FLNB: variants seen among roughly 807,000 people sequenced by gnomAD.
FLNB encodes filamin-B.
Under a neutral mutation model 250.6 loss-of-function variants are expected in FLNB, and 111 were observed. The ratio of observed to expected loss-of-function variants is 0.44; its 90% CI spans 0.38 to 0.52. The LOEUF is 0.52. Among genes scored for constraint, FLNB ranks in the 20% least tolerant of loss-of-function variants. The pLI is 0.00. For missense variants in FLNB, 2,869 were observed against 3,447.8 expected, an observed-to-expected ratio of 0.83 and a Z score of 4.20; for synonymous variants, 1,302 against 1,372.1, an observed-to-expected ratio of 0.95 and a Z score of 1.13.
intron 1 of FLNB, among the ~76,000 whole-genome samples, chr3:58,030,616 G>A (rs894743076): frequency 6.6e-6 from 1 of 152,198 alleles, no homozygotes; most frequent in Non-Finnish European, 1.5e-5. Flanking sequence ...GCTCATGCCT[G>A]TAATCCCAGC....
intron 38 of FLNB, chr3:58,150,663 T>A (rs1203659896): frequency 1.1e-5 from 3 of 263,378 alleles, no homozygotes; most frequent in Admixed American, 1.0e-4. Context: ...GCTGCAGAAC[T>A]CGCTGGGCCA....
chr3:58,074,180 C>G (rs982759618), intron 1 of FLNB, among the ~76,000 whole-genome samples: 11 of 152,230 alleles, frequency 7.2e-5, no homozygotes, highest in Admixed American at 1.3e-4. Context: ...CCAAGAACAT[C>G]AGCATTACCT....
At chr3:58,125,429 A>G (rs1189956777) in intron 22 of FLNB, 152 bp from the exon 23 acceptor site, 1 of 919,970 alleles carries the variant, frequency 1.1e-6, no homozygotes, top group Non-Finnish European at 1.7e-6. Flanking sequence ...CACTGCCCCC[A>G]GCCACATTAC....
At chr3:58,059,589 T>C (rs6768447) in intron 1 of FLNB, among the ~76,000 whole-genome samples, 10,794 of 152,226 alleles carry the variant, frequency 0.071, 1,201 homozygotes, top group African/African-American at 0.24. Context: ...AGCTGGTGGA[T>C]GGGGTGATGC....
intron 28 of FLNB, among the ~76,000 whole-genome samples, chr3:58,136,497 C>G (rs1162580011): frequency 6.6e-6 from 1 of 152,100 alleles, no homozygotes; most frequent in Non-Finnish European, 1.5e-5. Flanking sequence ...GATGGCGGCT[C>G]CCATGAAAAG....
At chr3:58,045,667 C>T (rs1576628904) in intron 1 of FLNB, among the ~76,000 whole-genome samples, 1 of 152,108 alleles carries the variant, frequency 6.6e-6, no homozygotes. Context: ...CTTAAGCTCA[C>T]GAAAGTTCAA....
At chr3:58,076,295 C>T (rs1277786436) in intron 1 of FLNB, among the ~76,000 whole-genome samples, 1 of 152,058 alleles carries the variant, frequency 6.6e-6, no homozygotes, top group Non-Finnish European at 1.5e-5. Context: ...TCCTACCTAT[C>T]GAAAAACGTG....
intron 1 of FLNB, among the ~76,000 whole-genome samples, chr3:58,074,312 G>A (rs1273426348): frequency 6.6e-6 from 1 of 152,218 alleles, no homozygotes; most frequent in African/African-American, 2.4e-5. Flanking sequence ...GACACCTGCT[G>A]AATTTTGAGA....
chr3:58,109,817 A>C (rs188482192), intron 15 of FLNB, 118 bp downstream of exon 15: 23 of 1,453,248 alleles, frequency 1.6e-5, no homozygotes, highest in Non-Finnish European at 2.1e-5. Flanking sequence ...GTAATCATCT[A>C]CTGAGCCTCT....
rs1553694995 is a variant in FLNB at position 58,095,229 on chromosome 3, G to GTATTTATTTATTTATTTATTTATTTATT, written c.906+276_906+303dup. Among the ~76,000 whole-genome samples the GTATTTATTTATTTATTTATTTATTTATT allele has an allele frequency of 4.1e-4, 61 of 147,812 alleles. 1 individual carries two copies. Among genetic ancestry groups the GTATTTATTTATTTATTTATTTATTTATT allele is most frequent in the South Asian group, 6.6e-4 (3 of 4,514 alleles). ...GCCTTGTCAGTTGAGGTTTATGTAT[G>GTATTTATTTATTTATTTATTTATTTATT]TATTTATTTATTTATTTATTTATTT... is the stretch of plus-strand genomic sequence containing the variant. On this transcript the variant is annotated intron_variant, in intron 5 of 45. Coordinates refer to ENST00000295956, the MANE Select transcript of FLNB (RefSeq NM_001457.4).
intron 10 of FLNB, 88 bp from the exon 11 acceptor site, chr3:58,104,992 A>C: frequency 6.4e-7 from 1 of 1,567,994 alleles, no homozygotes; most frequent in South Asian, 1.1e-5. Flanking sequence ...GGCAAGTGGA[A>C]AGAATGTGCA....
chr3:58,052,495 G>A (rs1379124514), intron 1 of FLNB, among the ~76,000 whole-genome samples: 1 of 152,194 alleles, frequency 6.6e-6, no homozygotes, highest in Non-Finnish European at 1.5e-5. Flanking sequence ...CGGTGAGTAA[G>A]ACAGCTGAGT....
chr3:58,028,798 T>C (rs1454678137), intron 1 of FLNB, among the ~76,000 whole-genome samples: 1 of 151,260 alleles, frequency 6.6e-6, no homozygotes, highest in Non-Finnish European at 1.5e-5. Context: ...TTTTTTTTAG[T>C]GGAGGTGGGA....
At chr3:58,106,378 C>A (rs1298945186) in intron 11 of FLNB, among the ~76,000 whole-genome samples, 3 of 103,730 alleles carry the variant, frequency 2.9e-5, no homozygotes, top group Non-Finnish European at 4.5e-5. Context: ...ATATATATAT[C>A]CTCCTGGCCT....
At chr3:58,110,271 T>C (rs2097266270) in intron 16 of FLNB, 101 bp downstream of exon 16, 1 of 1,270,924 alleles carries the variant, frequency 7.9e-7, no homozygotes, top group Non-Finnish European at 1.1e-6. Context: ...TTGTTAGTAT[T>C]ATTATTTTTG....
chr3:58,021,332 T>G lies in FLNB; in HGVS notation c.292+12476T>G, dbSNP rs184295048. ...AGGCCTTTGTGAGTCTGTAGTGCTATCAGTTGAGCAGAGTTCAGGGTTCTG... is the reference window on the plus strand; with the variant it reads ...AGGCCTTTGTGAGTCTGTAGTGCTAGCAGTTGAGCAGAGTTCAGGGTTCTG... On this transcript the variant is annotated intron_variant, in intron 1 of 45. Transcript: ENST00000295956. Among the ~76,000 whole-genome samples the G allele has an allele frequency of 4.5e-3, 679 of 152,234 alleles. 4 individuals are homozygous for G. The highest frequency in any genetic ancestry group is 0.016 in the African/African-American group (653 of 41,534).
chr3:58,027,298 GTGCACCACTA>G (rs999233855), intron 1 of FLNB, among the ~76,000 whole-genome samples: 13 of 148,226 alleles, frequency 8.8e-5, no homozygotes, highest in African/African-American at 3.0e-4. Context: ...GATTACAGGC[GTGCACCACTA>G]TGCCCAGCTA....
chr3:58,008,432 C>A lies in FLNB; in HGVS notation c.-133C>A. On this transcript the variant is annotated 5_prime_UTR_variant, in exon 1 of 46. Transcript: ENST00000295956. ...GGGGCGGGCGGCCGCAGAGCAGCAC[C>A]GGCCGTGGCTCCGGTAGCAGCAAGT... The A allele has an allele frequency of 9.0e-7, 1 of 1,105,670 alleles. No individual in the cohort carries two copies. Among genetic ancestry groups the A allele is most frequent in the South Asian group, 1.4e-5 (1 of 69,998 alleles). 68.5% of individuals were successfully genotyped at this position (1,105,670 alleles called of 1,614,324 possible).
At position 58,154,823 on chromosome 3, in the gene FLNB, G is replaced by C. The variant is rs750450803; in HGVS notation, c.6667G>C (p.Ala2223Pro). 1.2e-6 allele frequency: 2 copies of C among 1,613,966 alleles called. No homozygotes were observed. The highest frequency in any genetic ancestry group is 8.5e-7 in the Non-Finnish European group (1 of 1,179,986). The change falls in exon 40 of 46, where the codon GCT becomes CCT. Residue 2223 changes from alanine to proline, a missense_variant. Coordinates refer to ENST00000295956, the MANE Select transcript of FLNB (RefSeq NM_001457.4). ...CAGCATTTGGACCCGGGAAGCAGGC[G>C]CTGGAGGCCTCTCCATCGCTGTTGA... ...EFSIWTREAG[A>P]GGLSIAVEGP...
Sources: allele counts gnomAD v4.1 joint callset (sites outside exome capture counted in the v4.1 genomes callset), GRCh38; gene constraint gnomAD v4.1.1; transcripts MANE v1.5; gene names NCBI Gene and HGNC (gene_info 2026-07-23, HGNC 2026-07-21).